Variants in ASH1L observed in about 807,000 individuals in gnomAD.
The protein encoded by ASH1L is ASH1 like histone lysine methyltransferase, also known as histone-lysine N-methyltransferase ASH1L.
ASH1L carries 23 observed loss-of-function variants against 269.0 expected under a neutral mutation model. That is an observed-to-expected ratio of 0.09 (90% CI 0.06 to 0.12). The LOEUF is 0.12. ASH1L is among the 10% of genes least tolerant of loss of function. The pLI is 1.00. For synonymous variants in ASH1L, 1,187 were observed against 1,253.5 expected (o/e 0.95, Z 1.12); for missense variants, 2,912 against 3,567.8 (o/e 0.82, Z 4.68).
At chr1:155,371,373 C>A (rs1224576925) in intron 10 of ASH1L, among the ~76,000 whole-genome samples, 2 of 151,994 alleles carry the variant, frequency 1.3e-5, no homozygotes, top group African/African-American at 4.8e-5. Flanking sequence ...CATGGTGAAA[C>A]CCTGTCTCTA....
intron 2 of ASH1L, among the ~76,000 whole-genome samples, chr1:155,492,914 C>G (rs28522441): frequency 0.027 from 4,117 of 152,194 alleles, 209 homozygotes; most frequent in African/African-American, 0.095. Flanking sequence ...CTTTTGCCCC[C>G]CCAAGCTCTA....
intron 1 of ASH1L, among the ~76,000 whole-genome samples, chr1:155,544,944 G>T (rs970299508): frequency 1.3e-5 from 2 of 151,062 alleles, no homozygotes; most frequent in Admixed American, 1.3e-4. Context: ...AGGCTGAGGC[G>T]GGCGGATCAC....
chr1:155,463,690 G>A (rs544330071), intron 3 of ASH1L, among the ~76,000 whole-genome samples: 1 of 152,212 alleles, frequency 6.6e-6, no homozygotes, highest in South Asian at 2.1e-4. Context: ...AGTTACTTGG[G>A]AGGCTGAAGT....
intron 7 of ASH1L, among the ~76,000 whole-genome samples, chr1:155,381,852 C>T (rs893898318): frequency 2.0e-5 from 3 of 151,432 alleles, no homozygotes; most frequent in Non-Finnish European, 4.4e-5. Flanking sequence ...ACGTACTGCA[C>T]TCCAGCCTAG....
chr1:155,480,935 T>C lies in ASH1L; in HGVS notation c.1935A>G (p.Arg645=). 6.2e-7 allele frequency: 1 copy of C among 1,614,058 alleles called. No individual in the cohort carries two copies. The highest frequency in any genetic ancestry group is 1.3e-5 in the African/African-American group (1 of 75,046). ...DSKTTHIDIP[R]ISSSLGKKPS... is the part of the protein sequence containing the mutation. ...GCTTTTTTCCAAGGGAAGAGCTTAT[T>C]CTTGGAATATCTATATGGGTAGTTT... Residue 645 remains arginine (R), a synonymous_variant, in exon 3 of 28, where the codon AGA becomes AGG. Transcript: ENST00000392403.
intron 1 of ASH1L, among the ~76,000 whole-genome samples, chr1:155,528,622 C>T (rs1278479779): frequency 6.6e-6 from 1 of 151,970 alleles, no homozygotes; most frequent in Non-Finnish European, 1.5e-5. Context: ...TCTGTTAATG[C>T]CTTCAGTTGA....
chr1:155,555,113 G>T lies in ASH1L; in HGVS notation c.-100+7040C>A, dbSNP rs1289168808. On this transcript the variant is annotated intron_variant, in intron 1 of 27. Coordinates refer to ENST00000392403, the MANE Select transcript of ASH1L (RefSeq NM_018489.3). ...GCCGAGATCGTGCCACTACACTTCAGCTTTGGGGACAGAGTGAGAAACCGT... is the reference window on the plus strand; with the variant it reads ...GCCGAGATCGTGCCACTACACTTCATCTTTGGGGACAGAGTGAGAAACCGT... Among the ~76,000 whole-genome samples the T allele has an allele frequency of 2.1e-5, 3 of 145,366 alleles. No individual in the cohort carries two copies. In the Admixed American group the frequency reaches 2.1e-4, roughly 10 times the overall value.
intron 1 of ASH1L, among the ~76,000 whole-genome samples, chr1:155,541,398 C>T (rs1009396751): frequency 2.0e-5 from 3 of 151,950 alleles, no homozygotes; most frequent in Non-Finnish European, 4.4e-5. Flanking sequence ...ATGTAATGTG[C>T]TTTCCAAAGG....
At chr1:155,543,860 G>A (rs1251561741) in intron 1 of ASH1L, among the ~76,000 whole-genome samples, 1 of 151,962 alleles carries the variant, frequency 6.6e-6, no homozygotes, top group Non-Finnish European at 1.5e-5. Context: ...ATTGAGCCCG[G>A]GAGGTTGAGG....
At position 155,354,493 on chromosome 1, in the gene ASH1L, T is replaced by C. The variant is rs1166808942; in HGVS notation, c.7193A>G (p.Asp2398Gly). The C allele has an allele frequency of 6.2e-7, 1 of 1,609,094 alleles. No individual in the cohort carries two copies. The highest frequency in any genetic ancestry group is 8.5e-7 in the Non-Finnish European group (1 of 1,178,858). The change falls in exon 16 of 28, where the codon GAT (aspartate) becomes GGT (glycine). Residue 2398 changes from aspartate (D) to glycine (G), a missense_variant. Asp to Gly is a moderately conservative substitution (Grantham distance 94, BLOSUM62 -1). Coordinates refer to ENST00000392403, the MANE Select transcript of ASH1L (RefSeq NM_018489.3). Reference protein sequence around the residue: ...LYTRWNGICRDDGNIKSDVFM... With the variant: ...LYTRWNGICRGDGNIKSDVFM... ...CTTACCAGACTTGATATTCCCATCA[T>C]CTCGGCAGATCCCATTCCAACGGGT...
At chr1:155,484,656 C>A (rs911567795) in intron 2 of ASH1L, among the ~76,000 whole-genome samples, 2 of 151,316 alleles carry the variant, frequency 1.3e-5, no homozygotes, top group Non-Finnish European at 1.5e-5. Flanking sequence ...CAGCCAGGCG[C>A]AGTGGCTCAT....
At chr1:155,488,668 C>CAA (rs371829476) in intron 2 of ASH1L, among the ~76,000 whole-genome samples, 493 of 29,170 alleles carry the variant, frequency 0.017, 48 homozygotes, top group Non-Finnish European at 0.019. Context: ...GACTCTGTCA[C>CAA]AAAAAAAAAA....
chr1:155,482,994 G>T (rs956524482), intron 2 of ASH1L, among the ~76,000 whole-genome samples: 4 of 152,036 alleles, frequency 2.6e-5, no homozygotes, highest in Non-Finnish European at 4.4e-5. Flanking sequence ...TCTTAATGTG[G>T]AATAGGAAAG....
intron 1 of ASH1L, among the ~76,000 whole-genome samples, chr1:155,523,017 CCAAAA>C (rs943928946): frequency 1.3e-5 from 2 of 151,804 alleles, no homozygotes; most frequent in African/African-American, 4.8e-5. Context: ...ATTAATAAAA[CCAAAA>C]CAAAACAAGT....
rs1669756952 is a variant in ASH1L, at chr1:155,532,765, G to A, written c.-99-11147C>T. On this transcript the variant is annotated intron_variant, in intron 1 of 27. Transcript: ENST00000392403. ...TTGAACCCAGGAGGCACAGGTTGCA[G>A]TGAGCCGAGATTGTGCCACTGCACT... Among the ~76,000 whole-genome samples the A allele has an allele frequency of 3.3e-5, 5 of 150,930 alleles. No homozygotes were observed. In the South Asian group the frequency reaches 1.0e-3, roughly 32 times the overall value.
At chr1:155,468,814 A>G (rs1248337973) in intron 3 of ASH1L, among the ~76,000 whole-genome samples, 2 of 152,190 alleles carry the variant, frequency 1.3e-5, no homozygotes, top group Non-Finnish European at 2.9e-5. Context: ...TAAAAATCAT[A>G]TGTAATTATG....
chr1:155,421,252 A>G (rs1366831991), intron 5 of ASH1L, among the ~76,000 whole-genome samples: 3 of 149,936 alleles, frequency 2.0e-5, no homozygotes, highest in Admixed American at 6.7e-5. Flanking sequence ...AAAAAAAAAA[A>G]AGTTGGTGAT....
intron 12 of ASH1L, among the ~76,000 whole-genome samples, chr1:155,361,031 G>A (rs1013653089): frequency 1.3e-5 from 2 of 151,808 alleles, no homozygotes; most frequent in Non-Finnish European, 2.9e-5. Flanking sequence ...ACCTGAGGTC[G>A]GGAGTTTGAG....
chr1:155,562,308 C>A lies in ASH1L; in HGVS notation c.-255G>T, dbSNP rs560425779. On this transcript the variant is annotated 5_prime_UTR_variant, in exon 1 of 28. Coordinates refer to ENST00000392403, the MANE Select transcript of ASH1L (RefSeq NM_018489.3). ...GCGGGTAAGCTGACTGGCGGAAATG[C>A]GAGAGAGGAGAAGGGAAAGGTGGAA... 7 of 1,589,570 alleles carry A rather than the reference C, an allele frequency of 4.4e-6. No individual in the cohort carries two copies. Among genetic ancestry groups the A allele is most frequent in the East Asian group, 4.5e-5 (2 of 44,596 alleles).
Sources: gnomAD v4.1 joint callset for allele counts (sites outside exome capture counted in the v4.1 genomes callset) on GRCh38, gnomAD v4.1.1 for gene constraint, MANE v1.5 for transcripts, NCBI Gene and HGNC (gene_info 2026-07-23, HGNC 2026-07-21) for gene names.